Variants in ROBO1 observed in about 807,000 individuals in gnomAD.
The protein encoded by ROBO1 is roundabout homolog 1.
Under a neutral mutation model 195.9 loss-of-function variants are expected in ROBO1, and 149 were observed. The observed-to-expected ratio is 0.76, with a 90% CI of 0.67 to 0.87. The LOEUF is 0.87. Among genes scored for constraint, ROBO1 ranks in the 40% least tolerant of loss-of-function variants. ROBO1 has a pLI of 0.00. For synonymous variants in ROBO1, 816 were observed against 733.2 expected (o/e 1.11, Z -1.82); for missense variants, 1,933 against 2,068.3 (o/e 0.93, Z 1.27).
At chr3:79,212,476 CGACT>C (rs925097957) in intron 2 of ROBO1, among the ~76,000 whole-genome samples, 2 of 152,072 alleles carry the variant, frequency 1.3e-5, no homozygotes, top group African/African-American at 4.8e-5. Flanking sequence ...GAAATCAAAC[CGACT>C]GTCTTTTTTA....
At chr3:78,750,636 A>C (rs1318738976) in intron 4 of ROBO1, among the ~76,000 whole-genome samples, 1 of 152,158 alleles carries the variant, frequency 6.6e-6, no homozygotes, top group African/African-American at 2.4e-5. Flanking sequence ...TCTAAAATTC[A>C]GTGGTGTCTT....
At chr3:79,018,822 G>C (rs1354973445) in intron 3 of ROBO1, 7 of 1,020,180 alleles carry the variant, frequency 6.9e-6, no homozygotes, top group Non-Finnish European at 8.2e-6. Flanking sequence ...CCCCCACAAT[G>C]TGCGGCCGAG....
At chr3:78,680,005 C>T (rs959412844) in intron 10 of ROBO1, among the ~76,000 whole-genome samples, 2 of 152,238 alleles carry the variant, frequency 1.3e-5, no homozygotes, top group Non-Finnish European at 2.9e-5. Flanking sequence ...TGGAACAGAA[C>T]ACAAGCCTCA....
intron 3 of ROBO1, among the ~76,000 whole-genome samples, chr3:79,008,425 T>C (rs1343241692): frequency 1.3e-5 from 2 of 152,094 alleles, no homozygotes; most frequent in Non-Finnish European, 2.9e-5. Flanking sequence ...TTAAGCTCCA[T>C]TAATAATAAA....
chr3:78,685,643 G>C (rs3732663), intron 10 of ROBO1, 103 bp downstream of exon 10: 4 of 674,642 alleles, frequency 5.9e-6, no homozygotes, highest in African/African-American at 1.8e-5. Context: ...CACTAAAATA[G>C]CCATAAAAAG....
At position 78,792,211 on chromosome 3, in the gene ROBO1, G is replaced by C. The variant is rs114036696; in HGVS notation, c.500-45311C>G. Among the ~76,000 whole-genome samples, 1,064 of 152,282 alleles carry C rather than the reference G, an allele frequency of 7.0e-3. 15 individuals carry two copies. The highest frequency in any genetic ancestry group is 0.024 in the African/African-American group (1,015 of 41,552). On this transcript the variant is annotated intron_variant, in intron 4 of 30. Transcript: ENST00000464233. ...GGTGTGAAGCGTGGTACTAAAAGATGCTGATAGAATTTGTCTTATAATTGA... is the reference window on the plus strand; with the variant it reads ...GGTGTGAAGCGTGGTACTAAAAGATCCTGATAGAATTTGTCTTATAATTGA...
intron 2 of ROBO1, among the ~76,000 whole-genome samples, chr3:79,355,965 T>C (rs1287854008): frequency 3.9e-5 from 6 of 152,226 alleles, no homozygotes; most frequent in Admixed American, 1.3e-4. Flanking sequence ...TATTTCTATT[T>C]ATAACTTTTT....
Position 79,145,432 on chromosome 3 carries a change from A to C in ROBO1, c.89-19893T>G, listed in dbSNP as rs137896633. 4.9e-3 allele frequency among the ~76,000 whole-genome samples: 741 copies of C among 151,864 alleles called. 2 individuals carry two copies. Among genetic ancestry groups the C allele is most frequent in the Middle Eastern group, 0.024 (7 of 294 alleles). ...ACATAAATAACAGTCATCCTATTTT[A>C]AAAACTTTATTATTTAATCTTTAAA... is the stretch of plus-strand genomic sequence containing the variant. On this transcript the variant is annotated intron_variant, in intron 2 of 30. Coordinates refer to ENST00000464233, the MANE Select transcript of ROBO1 (RefSeq NM_002941.4).
At chr3:79,284,211 G>A (rs1360280038) in intron 2 of ROBO1, among the ~76,000 whole-genome samples, 4 of 151,590 alleles carry the variant, frequency 2.6e-5, no homozygotes, top group Non-Finnish European at 4.4e-5. Flanking sequence ...AATTAACTGA[G>A]GGCCGGAGAA....
intron 2 of ROBO1, among the ~76,000 whole-genome samples, chr3:79,266,427 A>T (rs1309551492): frequency 1.3e-5 from 2 of 151,628 alleles, no homozygotes; most frequent in African/African-American, 2.4e-5. Context: ...ACAAACCTGC[A>T]AGAGATAGAA....
At chr3:79,350,425 T>C (rs6548616) in intron 2 of ROBO1, among the ~76,000 whole-genome samples, 65,222 of 152,080 alleles carry the variant, frequency 0.43, 18,832 homozygotes, top group African/African-American at 0.83. Context: ...TCATTTTGAT[T>C]CAGCTAAGAG....
At chr3:79,412,874 A>ATTTTT (rs1167482550) in intron 2 of ROBO1, among the ~76,000 whole-genome samples, 887 of 38,314 alleles carry the variant, frequency 0.023, 173 homozygotes, top group African/African-American at 0.038. Context: ...TCATGAGCTG[A>ATTTTT]TTTTTTTTTT....
chr3:78,670,393 A>C, intron 10 of ROBO1, 92 bp from the exon 11 acceptor site: 1 of 1,046,544 alleles, frequency 9.6e-7, no homozygotes, highest in Non-Finnish European at 1.4e-6. Context: ...GCTTTGAAAC[A>C]AACTAAAGAT....
intron 2 of ROBO1, among the ~76,000 whole-genome samples, chr3:79,541,831 A>G (rs61487415): frequency 0.11 from 4,194 of 38,116 alleles, 173 homozygotes; most frequent in African/African-American, 0.28. Context: ...GTGTGTGTGT[A>G]TATATATATA....
At chr3:79,371,157 G>GT (rs2036179158) in intron 2 of ROBO1, among the ~76,000 whole-genome samples, 1 of 152,106 alleles carries the variant, frequency 6.6e-6, no homozygotes, top group South Asian at 2.1e-4. Context: ...ATGTGTGCGT[G>GT]TGTCTTTATA....
chr3:78,908,635 T>C (rs184685875), intron 4 of ROBO1, among the ~76,000 whole-genome samples: 8 of 152,056 alleles, frequency 5.3e-5, no homozygotes, highest in South Asian at 4.1e-4. Context: ...ATAGACACTA[T>C]TGCATTCCTT....
chr3:79,557,733 AAC>A (rs1491275984), intron 2 of ROBO1, among the ~76,000 whole-genome samples: 9,326 of 118,624 alleles, frequency 0.079, 655 homozygotes, highest in African/African-American at 0.17. Context: ...ACTGTCTTAA[AAC>A]AAAAAAAAAT....
chr3:78,745,634 G>A (rs773404371), intron 5 of ROBO1, among the ~76,000 whole-genome samples: 29 of 152,096 alleles, frequency 1.9e-4, no homozygotes, highest in Non-Finnish European at 4.3e-4. Context: ...AGTTACTTTT[G>A]TCATGTGACT....
intron 1 of ROBO1, among the ~76,000 whole-genome samples, chr3:79,719,947 G>T (rs977230645): frequency 1.3e-5 from 2 of 152,138 alleles, no homozygotes; most frequent in Non-Finnish European, 2.9e-5. Context: ...TTTGGTAGTT[G>T]GGTAAAGACT....
Sources: gnomAD v4.1 joint callset for allele counts (sites outside exome capture counted in the v4.1 genomes callset) on GRCh38, gnomAD v4.1.1 for gene constraint, MANE v1.5 for transcripts, NCBI Gene and HGNC (gene_info 2026-07-23, HGNC 2026-07-21) for gene names.